The following RPS29 variants were observed in gnomAD, a reference collection of about 807,000 sequenced individuals.
RPS29 encodes ribosomal protein S29, also known as small ribosomal subunit protein uS14.
For synonymous variants in RPS29, 37 were observed against 26.9 expected, an observed-to-expected ratio of 1.37 and a Z score of -1.16; for missense variants, 60 against 75.7, an observed-to-expected ratio of 0.79 and a Z score of 0.77.
At chr14:49,595,897 C>A (rs1055199630) in intron 1 of RPS29, among the ~76,000 whole-genome samples, 6 of 151,998 alleles carry the variant, frequency 3.9e-5, no homozygotes, top group East Asian at 2.0e-4. Context: ...CCTGTAATCC[C>A]AGCTACTCAG....
chr14:49,586,251 C>A (rs753080414), intron 1 of RPS29, 34 bp downstream of exon 1: 37 of 1,605,972 alleles, frequency 2.3e-5, no homozygotes, highest in South Asian at 1.9e-4. Flanking sequence ...CGCTCCACGG[C>A]AACGCTTCCC....
At chr14:49,587,238 T>C (rs1244128902), upstream of RPS29, among the ~76,000 whole-genome samples, 1 of 152,234 alleles carries the variant, frequency 6.6e-6, no homozygotes, top group Admixed American at 6.5e-5. Context: ...TGTAAAGTAA[T>C]AAACAAGTAA....
At chr14:49,583,332 CG>C (rs1249235600), downstream of RPS29, among the ~76,000 whole-genome samples, 1 of 152,042 alleles carries the variant, frequency 6.6e-6, no homozygotes, top group African/African-American at 2.4e-5. Flanking sequence ...GAGCAGATCA[CG>C]AAGTCAAGAG....
chr14:49,588,728 C>T (rs912605718), upstream of RPS29, among the ~76,000 whole-genome samples: 1 of 151,680 alleles, frequency 6.6e-6, no homozygotes, highest in Non-Finnish European at 1.5e-5. Context: ...GGGGTTTCAC[C>T]ATGTTGGCTA....
At chr14:49,579,583 GTTGT>G (rs1881279679), downstream of RPS29, among the ~76,000 whole-genome samples, 1 of 152,096 alleles carries the variant, frequency 6.6e-6, no homozygotes, top group Non-Finnish European at 1.5e-5. Context: ...TGTTCCAATG[GTTGT>G]TTGGGCCTCT....
chr14:49,586,626 T>C (rs2139515195), upstream of RPS29: 2 of 466,874 alleles, frequency 4.3e-6, no homozygotes, highest in East Asian at 8.0e-5. Flanking sequence ...CTCGGGAGGC[T>C]GAGGCTGGAG....
downstream of RPS29, among the ~76,000 whole-genome samples, chr14:49,580,546 G>A (rs1033873246): frequency 3.9e-5 from 6 of 152,202 alleles, no homozygotes; most frequent in Non-Finnish European, 2.9e-5. Context: ...TCTAAGGCAA[G>A]TATACTAGGA....
At chr14:49,587,100 TAA>T (rs1566483765), upstream of RPS29, among the ~76,000 whole-genome samples, 1 of 152,162 alleles carries the variant, frequency 6.6e-6, no homozygotes, top group Non-Finnish European at 1.5e-5. Flanking sequence ...TTTATTTTGT[TAA>T]AGAGAGTACG....
intron 1 of RPS29, among the ~76,000 whole-genome samples, chr14:49,591,577 G>A (rs1238736632): frequency 6.6e-6 from 1 of 150,902 alleles, no homozygotes; most frequent in Non-Finnish European, 1.5e-5. Flanking sequence ...CTCCCAAAGT[G>A]CTGGGATTAC....
intron 1 of RPS29, among the ~76,000 whole-genome samples, chr14:49,594,277 G>T (rs1403216057): frequency 6.6e-6 from 1 of 151,584 alleles, no homozygotes; most frequent in African/African-American, 2.4e-5. Context: ...ATTTTATCCC[G>T]CTTAAAATTT....
downstream of RPS29, among the ~76,000 whole-genome samples, chr14:49,582,844 C>T (rs546448861): frequency 5.7e-4 from 87 of 152,344 alleles, 1 homozygote; most frequent in Admixed American, 9.2e-4. Flanking sequence ...GTTAAAGCAA[C>T]CACACACTAT....
At chr14:49,596,155 G>A (rs961968338) in intron 1 of RPS29, among the ~76,000 whole-genome samples, 3 of 152,060 alleles carry the variant, frequency 2.0e-5, no homozygotes, top group Admixed American at 6.6e-5. Context: ...AAGGTTTAGC[G>A]GAAACTGAAC....
In RPS29 at chr14:49,586,235, G is replaced by A. The variant is rs114513257; in HGVS notation, c.62+50C>T. 2,855 of 1,580,510 alleles carry A rather than the reference G, an allele frequency of 1.8e-3. 42 individuals carry two copies. In the African/African-American group the frequency reaches 0.033, roughly 18 times the overall value. Reference sequence around the variant, plus strand: ...CCTCCTCTACTTGAGATTTTAAGCAGCCTAGCGCTCCACGGCAACGCTTCC... The same window carrying A: ...CCTCCTCTACTTGAGATTTTAAGCAACCTAGCGCTCCACGGCAACGCTTCC... On this transcript the variant is annotated intron_variant, in intron 1 of 2. Coordinates refer to ENST00000245458, the MANE Select transcript of RPS29 (RefSeq NM_001032.5).
upstream of RPS29, chr14:49,586,788 G>A (rs374776841): frequency 5.3e-5 from 12 of 224,804 alleles, no homozygotes; most frequent in Non-Finnish European, 7.5e-5. Context: ...AAACGGAGCA[G>A]GTCAAAACTC....
chr14:49,584,337 T>C (rs1355769989), intron 2 of RPS29, among the ~76,000 whole-genome samples: 1 of 152,326 alleles, frequency 6.6e-6, no homozygotes, highest in Middle Eastern at 3.4e-3. Flanking sequence ...ACGTATGATA[T>C]ACTACCTCTC....
At chr14:49,576,259 G>T (rs1001027559) in exon 3 of RPS29, 2 of 146,050 alleles carry the variant, frequency 1.4e-5, no homozygotes, top group Non-Finnish European at 3.0e-5. Flanking sequence ...AATTGTTTTT[G>T]GGTTTTTTTG....
downstream of RPS29, among the ~76,000 whole-genome samples, chr14:49,579,880 T>C (rs2139505293): frequency 6.6e-6 from 1 of 152,316 alleles, no homozygotes; most frequent in Non-Finnish European, 1.5e-5. Context: ...TCGTTTTGTC[T>C]CTTTCTTTGG....
At chr14:49,586,453 G>T (rs909183229), upstream of RPS29, 12 of 962,040 alleles carry the variant, frequency 1.2e-5, no homozygotes, top group Admixed American at 2.2e-4. Context: ...AAGGAAACGC[G>T]TGCGCAGTGT....
downstream of RPS29, among the ~76,000 whole-genome samples, chr14:49,582,012 CAAAAAAAA>C (rs58507206): frequency 9.4e-6 from 1 of 106,534 alleles, no homozygotes. Flanking sequence ...CCCTGCCCCC[CAAAAAAAA>C]AAAAAAAAAA....
Sources: gnomAD v4.1 joint callset for allele counts (sites outside exome capture counted in the v4.1 genomes callset) on GRCh38, gnomAD v4.1.1 for gene constraint, MANE v1.5 for transcripts, NCBI Gene and HGNC (gene_info 2026-07-23, HGNC 2026-07-21) for gene names.